NUSAP1: variants seen among roughly 807,000 people sequenced by gnomAD.
The protein encoded by NUSAP1 is nucleolar and spindle-associated protein 1.
Under a neutral mutation model 52.8 loss-of-function variants are expected in NUSAP1, and 32 were observed. The ratio of observed to expected loss-of-function variants is 0.61; its 90% CI spans 0.46 to 0.81. The LOEUF (loss-of-function observed/expected upper bound fraction) is 0.81. NUSAP1 is among the 40% of genes least tolerant of loss of function. NUSAP1 has a pLI of 0.00. For missense variants in NUSAP1, 499 were observed against 522.3 expected (o/e 0.96, Z 0.43); for synonymous variants, 195 against 183.1 (o/e 1.06, Z -0.52).
chr15:41,352,615 G>T (rs151014683), intron 4 of NUSAP1, among the ~76,000 whole-genome samples: 2,522 of 151,906 alleles, frequency 0.017, 35 homozygotes, highest in Non-Finnish European at 0.022. Context: ...TTGAGACAGG[G>T]TCTTGCTCTG....
chr15:41,335,225 T>A (rs1353508758), intron 1 of NUSAP1, among the ~76,000 whole-genome samples: 1 of 148,664 alleles, frequency 6.7e-6, no homozygotes, highest in Admixed American at 6.8e-5. Flanking sequence ...ATAAATATAC[T>A]AGTATAATTA....
At chr15:41,376,866 G>A (rs1221034920) in intron 9 of NUSAP1, among the ~76,000 whole-genome samples, 1 of 151,574 alleles carries the variant, frequency 6.6e-6, no homozygotes, top group Non-Finnish European at 1.5e-5. Context: ...CTTGAGAACA[G>A]GAGCTCAAGA....
intron 4 of NUSAP1, among the ~76,000 whole-genome samples, chr15:41,351,467 G>A (rs561289673): frequency 1.4e-4 from 21 of 152,242 alleles, no homozygotes; most frequent in African/African-American, 5.1e-4. Flanking sequence ...CTTCTTAATA[G>A]GACAGCAGTC....
chr15:41,369,803 C>T (rs1227463369), intron 7 of NUSAP1, among the ~76,000 whole-genome samples: 1 of 151,996 alleles, frequency 6.6e-6, no homozygotes, highest in East Asian at 1.9e-4. Context: ...CATGGTGGCT[C>T]ACACCTGTAA....
intron 10 of NUSAP1, among the ~76,000 whole-genome samples, chr15:41,377,894 G>A (rs567977285): frequency 2.0e-4 from 31 of 151,766 alleles, no homozygotes; most frequent in African/African-American, 6.8e-4. Context: ...CCAGCTACTC[G>A]GGAGACTGAG....
chr15:41,336,158 G>T (rs1456823785), intron 1 of NUSAP1, among the ~76,000 whole-genome samples: 1 of 151,426 alleles, frequency 6.6e-6, no homozygotes, highest in African/African-American at 2.4e-5. Flanking sequence ...TACTCGGGAG[G>T]CTGAGGCAGG....
intron 1 of NUSAP1, among the ~76,000 whole-genome samples, chr15:41,340,202 T>G (rs567922796): frequency 1.9e-4 from 29 of 152,218 alleles, no homozygotes; most frequent in African/African-American, 6.7e-4. Context: ...GTTTCTGTCT[T>G]TCAACTCATG....
At chr15:41,370,952 A>G (rs1367969859) in intron 7 of NUSAP1, among the ~76,000 whole-genome samples, 1 of 152,122 alleles carries the variant, frequency 6.6e-6, no homozygotes, top group Non-Finnish European at 1.5e-5. Flanking sequence ...AACTATTGAC[A>G]TCTTATGAAT....
chr15:41,373,197 C>A lies in NUSAP1; in HGVS notation c.1006+1513C>A, dbSNP rs559269469. Among the ~76,000 whole-genome samples the A allele has an allele frequency of 2.0e-5, 3 of 151,934 alleles. No homozygotes were observed. In the South Asian group the frequency reaches 6.2e-4, roughly 32 times the overall value. On this transcript the variant is annotated intron_variant, in intron 8 of 10. Transcript: ENST00000559596. Reference sequence around the variant, plus strand: ...AGGCTGGGCATGGTGGCATGGAGACCAACCTGGCCAACATGGCAAAACCTC... The same window carrying A: ...AGGCTGGGCATGGTGGCATGGAGACAAACCTGGCCAACATGGCAAAACCTC...
chr15:41,346,496 C>T (rs2048574815), intron 2 of NUSAP1, among the ~76,000 whole-genome samples: 1 of 151,692 alleles, frequency 6.6e-6, no homozygotes, highest in South Asian at 2.1e-4. Flanking sequence ...TTTGTAGAGA[C>T]TGGGGTCTCA....
At chr15:41,364,473 G>A (rs2049307026) in intron 6 of NUSAP1, among the ~76,000 whole-genome samples, 1 of 151,914 alleles carries the variant, frequency 6.6e-6, no homozygotes, top group Non-Finnish European at 1.5e-5. Flanking sequence ...TTGAACCTGG[G>A]AGGCAGAAGT....
At position 41,380,418 on chromosome 15, in the gene NUSAP1, G is replaced by T; in HGVS notation, c.*232G>T. On this transcript the variant is annotated 3_prime_UTR_variant, in exon 11 of 11. Coordinates refer to ENST00000559596, the MANE Select transcript of NUSAP1 (RefSeq NM_016359.5). Reference sequence around the variant, plus strand: ...TTACTTAAGTCCATTAACAATTCAGGTTTCTAACGAGACCCATCCTAAAAT... The same window carrying T: ...TTACTTAAGTCCATTAACAATTCAGTTTTCTAACGAGACCCATCCTAAAAT... 3.2e-6 allele frequency: 1 copy of T among 313,442 alleles called. No individual in the cohort carries two copies. Among genetic ancestry groups the T allele is most frequent in the Non-Finnish European group, 5.9e-6 (1 of 169,156 alleles). 19.4% of individuals were successfully genotyped at this position (313,442 alleles called of 1,614,324 possible).
intron 4 of NUSAP1, 128 bp downstream of exon 4, chr15:41,351,257 A>G: frequency 2.2e-6 from 2 of 893,202 alleles, no homozygotes; most frequent in East Asian, 5.5e-5. Context: ...AACAACAGAA[A>G]TTTACTCTTT....
At chr15:41,338,226 C>T (rs963886556) in intron 1 of NUSAP1, among the ~76,000 whole-genome samples, 26 of 152,130 alleles carry the variant, frequency 1.7e-4, no homozygotes, top group Middle Eastern at 3.4e-3. Flanking sequence ...TGAGCCACTG[C>T]GTCCGGCCCA....
intron 1 of NUSAP1, among the ~76,000 whole-genome samples, chr15:41,339,439 T>C (rs1191470811): frequency 6.6e-6 from 1 of 151,780 alleles, no homozygotes; most frequent in Non-Finnish European, 1.5e-5. Flanking sequence ...AGACGGAGTT[T>C]CGCTGTTGTT....
intron 2 of NUSAP1, among the ~76,000 whole-genome samples, chr15:41,346,337 G>T (rs1398936908): frequency 6.6e-6 from 1 of 151,362 alleles, no homozygotes; most frequent in Non-Finnish European, 1.5e-5. Context: ...TTTGAGATGG[G>T]GTCTCACTCT....
Position 41,380,649 on chromosome 15 carries a change from T to TC in NUSAP1, c.*463_*464insC, listed in dbSNP as rs2050172873. The TC allele has an allele frequency of 6.5e-6, 1 of 153,184 alleles. No homozygotes were observed. The highest frequency in any genetic ancestry group is 2.1e-4 in the South Asian group (1 of 4,874). 9.5% of individuals were successfully genotyped at this position (153,184 alleles called of 1,614,324 possible). On this transcript the variant is annotated 3_prime_UTR_variant, in exon 11 of 11. Coordinates refer to ENST00000559596, the MANE Select transcript of NUSAP1 (RefSeq NM_016359.5). The stretch of plus-strand genomic sequence containing the variant: ...ACTCTCTATAGAATATAGTAACCTT[T>TC]ATGAAACGGGGCCATATAGTTTGGT...
intron 1 of NUSAP1, among the ~76,000 whole-genome samples, chr15:41,341,563 A>T (rs548006261): frequency 1.3e-5 from 2 of 152,110 alleles, no homozygotes; most frequent in Non-Finnish European, 2.9e-5. Flanking sequence ...ACACTTCACC[A>T]GCTGTCCAAG....
Position 41,356,024 on chromosome 15 carries a change from T to G in NUSAP1, c.449-15T>G. 2 of 1,493,790 alleles carry G rather than the reference T, an allele frequency of 1.3e-6. No homozygotes were observed. Among genetic ancestry groups the G allele is most frequent in the African/African-American group, 1.4e-5 (1 of 72,446 alleles). 92.5% of individuals were successfully genotyped at this position (1,493,790 alleles called of 1,614,324 possible). ...TTTTTGAAATCCTTCATTATTTCTG[T>G]GTCTTTGGATTTAGGTAACAGAGAT... On this transcript the variant is annotated splice_polypyrimidine_tract_variant and intron_variant, in intron 4 of 10. Coordinates refer to ENST00000559596, the MANE Select transcript of NUSAP1 (RefSeq NM_016359.5).
Sources: gnomAD v4.1 joint callset for allele counts (sites outside exome capture counted in the v4.1 genomes callset) on GRCh38, gnomAD v4.1.1 for gene constraint, MANE v1.5 for transcripts, NCBI Gene and HGNC (gene_info 2026-07-23, HGNC 2026-07-21) for gene names.